The following MYO5B variants were observed in gnomAD, a reference collection of about 807,000 sequenced individuals.
MYO5B encodes the protein unconventional myosin-Vb.
In MYO5B, 143 loss-of-function variants were observed where a neutral mutation model predicts 229.3. The ratio of observed to expected loss-of-function variants is 0.62; its 90% CI spans 0.54 to 0.72. The LOEUF is 0.72. MYO5B is among the 30% of genes least tolerant of loss of function. The probability of loss-of-function intolerance (pLI) is 0.00; values close to 1 mark genes in which losing one functional copy is unlikely to be tolerated. For synonymous variants in MYO5B, 918 were observed against 885.2 expected (o/e 1.04, Z -0.66); for missense variants, 2,321 against 2,331.0 (o/e 1.00, Z 0.09).
intron 1 of MYO5B, among the ~76,000 whole-genome samples, chr18:50,095,697 C>A (rs765339005): frequency 1.3e-5 from 2 of 152,174 alleles, no homozygotes; most frequent in African/African-American, 4.8e-5. Flanking sequence ...GAGACCCATG[C>A]GCCTTGGGAT....
At chr18:49,992,147 G>T (rs1235920499) in intron 6 of MYO5B, 141 bp downstream of exon 6, 5 of 1,210,588 alleles carry the variant, frequency 4.1e-6, no homozygotes, top group Admixed American at 1.7e-5. Flanking sequence ...ACTGATAAAA[G>T]ATAAGAACCA....
chr18:49,944,016 A>G (rs1163642664), intron 14 of MYO5B, among the ~76,000 whole-genome samples: 2 of 152,172 alleles, frequency 1.3e-5, no homozygotes, highest in East Asian at 3.8e-4. Flanking sequence ...TCAACGTACA[A>G]TGTACACAGT....
chr18:49,893,441 T>A (rs1787561), intron 22 of MYO5B, among the ~76,000 whole-genome samples: 92,156 of 152,060 alleles, frequency 0.61, 27,959 homozygotes, highest in Middle Eastern at 0.67. Context: ...ACAAGTGTGG[T>A]ATTCCATGAT....
chr18:50,037,129 A>G (rs746435971), intron 3 of MYO5B, 135 bp from the exon 4 acceptor site: 1 of 904,090 alleles, frequency 1.1e-6, no homozygotes, highest in East Asian at 2.7e-5. Context: ...TTAACCAATC[A>G]ATCAGCTCAA....
chr18:49,951,850 C>T (rs895385783), intron 14 of MYO5B, among the ~76,000 whole-genome samples: 4 of 152,190 alleles, frequency 2.6e-5, no homozygotes, highest in African/African-American at 7.2e-5. Flanking sequence ...CATCTACTCT[C>T]TTTCCCTGTG....
At chr18:49,966,162 G>A (rs557213708) in intron 10 of MYO5B, among the ~76,000 whole-genome samples, 1 of 152,286 alleles carries the variant, frequency 6.6e-6, no homozygotes, top group African/African-American at 2.4e-5. Context: ...CCGGTGCCCA[G>A]AATACATCAG....
intron 13 of MYO5B, 80 bp from the exon 14 acceptor site, chr18:49,953,423 G>T: frequency 7.8e-7 from 1 of 1,284,042 alleles, no homozygotes; most frequent in Non-Finnish European, 1.1e-6. Flanking sequence ...CATCCAGGTA[G>T]CATTTTCTGA....
intron 4 of MYO5B, among the ~76,000 whole-genome samples, chr18:50,020,023 C>A (rs1188909419): frequency 6.6e-6 from 1 of 152,102 alleles, no homozygotes; most frequent in South Asian, 2.1e-4. Context: ...CATCACACTC[C>A]AGCTCACCAA....
chr18:50,059,599 G>C (rs892787402), intron 1 of MYO5B, among the ~76,000 whole-genome samples: 1 of 152,182 alleles, frequency 6.6e-6, no homozygotes, highest in African/African-American at 2.4e-5. Flanking sequence ...CCACAATAAA[G>C]ACACGTGGAA....
chr18:49,974,779 T>TCACACACACACACACACACACACACACA (rs111420791), intron 9 of MYO5B, among the ~76,000 whole-genome samples, 164 bp from the exon 10 acceptor site: 12 of 117,082 alleles, frequency 1.0e-4, no homozygotes, highest in African/African-American at 1.9e-4. Context: ...GCAGTCTCTC[T>TCACACACACACACACACACACACACACA]CACACACACA....
chr18:49,909,607 C>A (rs900428196), intron 18 of MYO5B, among the ~76,000 whole-genome samples: 2 of 152,236 alleles, frequency 1.3e-5, no homozygotes, highest in African/African-American at 4.8e-5. Context: ...ACAGCCACAA[C>A]AGGACCCTTG....
At chr18:49,835,128 G>T (rs542232530) in intron 39 of MYO5B, among the ~76,000 whole-genome samples, 1 of 152,324 alleles carries the variant, frequency 6.6e-6, no homozygotes, top group East Asian at 1.9e-4. Flanking sequence ...GAGAGGCAGA[G>T]ATGATAAAAG....
In MYO5B at chr18:49,875,717, C is replaced by G. The variant is rs1273798936; in HGVS notation, c.3507G>C (p.Lys1169Asn). ...ERKKLQVQLE[K>N]REQQDSKKVQ... is the part of the protein sequence containing the mutation. ...CTTTCTTGCTGTCCTGCTGTTCTCTCTTCTCCAGCTGCACTTGCAGCTTTT... is the reference window on the plus strand; with the variant it reads ...CTTTCTTGCTGTCCTGCTGTTCTCTGTTCTCCAGCTGCACTTGCAGCTTTT... The change falls in exon 26 of 40, where the codon AAG becomes AAC. Residue 1169 changes from lysine (K) to asparagine (N), a missense_variant. Around this residue, in one of 2 missense-constraint regions of MYO5B, gnomAD observed 2,113 missense variants for 2,044.7 expected, o/e 1.03. Coordinates refer to ENST00000285039, the MANE Select transcript of MYO5B (RefSeq NM_001080467.3). 2 of 1,614,170 alleles carry G rather than the reference C, an allele frequency of 1.2e-6. No homozygotes were observed. Among genetic ancestry groups the G allele is most frequent in the Non-Finnish European group, 1.7e-6 (2 of 1,180,008 alleles).
chr18:50,049,907 T>C (rs1360607154), intron 2 of MYO5B, among the ~76,000 whole-genome samples: 5 of 152,168 alleles, frequency 3.3e-5, no homozygotes, highest in Non-Finnish European at 5.9e-5. Flanking sequence ...TCACACAACA[T>C]TGTGAATATA....
At chr18:49,951,948 G>A (rs71357213) in intron 14 of MYO5B, among the ~76,000 whole-genome samples, 3,088 of 152,262 alleles carry the variant, frequency 0.02, 37 homozygotes, top group Middle Eastern at 0.061. Context: ...TAAAAACTTA[G>A]GGAGCTGCAA....
chr18:49,863,365 C>T (rs768993993), intron 28 of MYO5B, 38 bp from the exon 29 acceptor site: 1 of 1,566,408 alleles, frequency 6.4e-7, no homozygotes, highest in Non-Finnish European at 8.8e-7. Context: ...TCTGGTTAAA[C>T]AATTGCCACA....
chr18:50,190,681 G>T (rs1017494832), intron 1 of MYO5B, among the ~76,000 whole-genome samples: 13 of 152,136 alleles, frequency 8.5e-5, no homozygotes, highest in African/African-American at 3.1e-4. Flanking sequence ...AGATCAAGAA[G>T]AGCAAGAACA....
chr18:49,847,300 A>G lies in MYO5B; in HGVS notation c.4316-11T>C. On this transcript the variant is annotated splice_polypyrimidine_tract_variant and intron_variant, in intron 32 of 39. Transcript: ENST00000285039. ...CCAATGCCTGGGCAGCTGAGCAGGA[A>G]AGAAAACAGGAAGCATGGATGAGAC... is the stretch of plus-strand genomic sequence containing the variant. 1.2e-6 allele frequency: 2 copies of G among 1,612,626 alleles called. No homozygotes were observed. The highest frequency in any genetic ancestry group is 1.7e-6 in the Non-Finnish European group (2 of 1,179,788).
rs370112207 is a variant in MYO5B, at chr18:49,962,411, G to C, written c.1405-5C>G. 8.7e-6 allele frequency: 14 copies of C among 1,613,914 alleles called. No homozygotes were observed. In the African/African-American group the frequency reaches 1.7e-4, roughly 20 times the overall value. ...TTGCTCCAGTTTGAAAACATGCTAG[G>C]GCAAGTAAAAAGGTCACACGAGTGA... is the stretch of plus-strand genomic sequence containing the variant. On this transcript the variant is annotated splice_polypyrimidine_tract_variant and splice_region_variant and intron_variant, in intron 11 of 39. Coordinates refer to ENST00000285039, the MANE Select transcript of MYO5B (RefSeq NM_001080467.3).
Sources: allele counts gnomAD v4.1 joint callset (sites outside exome capture counted in the v4.1 genomes callset), GRCh38; gene constraint gnomAD v4.1.1; regional missense constraint gnomAD v4.1.1; transcripts MANE v1.5; gene names NCBI Gene and HGNC (gene_info 2026-07-23, HGNC 2026-07-21).